Variants in ANKRD11 observed in about 807,000 individuals in gnomAD.
The protein encoded by ANKRD11 is ankyrin repeat domain 11.
Under a neutral mutation model 195.7 loss-of-function variants are expected in ANKRD11, and 17 were observed. That is an observed-to-expected ratio of 0.09 (90% confidence interval 0.06 to 0.13). The LOEUF (loss-of-function observed/expected upper bound fraction) is 0.13. Among genes scored for constraint, ANKRD11 ranks in the 10% least tolerant of loss-of-function variants. The pLI, the probability that ANKRD11 is intolerant of heterozygous loss-of-function variation, is 1.00. For missense variants in ANKRD11, 3,735 were observed against 3,566.1 expected (o/e 1.05, Z -1.21); for synonymous variants, 1,953 against 1,528.1 (o/e 1.28, Z -6.49).
intron 1 of ANKRD11, among the ~76,000 whole-genome samples, chr16:89,474,428 G>A (rs1198025735): frequency 1.3e-5 from 2 of 151,390 alleles, no homozygotes; most frequent in African/African-American, 2.4e-5. Flanking sequence ...ACCAGCCTGG[G>A]CAACATGGTG....
chr16:89,442,605 T>C (rs1031813615), intron 1 of ANKRD11, among the ~76,000 whole-genome samples: 3 of 152,158 alleles, frequency 2.0e-5, no homozygotes, highest in African/African-American at 7.2e-5. Flanking sequence ...GTTTTACGCA[T>C]CAAAGACTCA....
chr16:89,362,897 G>A (rs563927037), intron 2 of ANKRD11, among the ~76,000 whole-genome samples: 22 of 152,074 alleles, frequency 1.4e-4, no homozygotes, highest in Admixed American at 5.9e-4. Flanking sequence ...CTAGCCAATC[G>A]GGACAAATAC....
At position 89,306,962 on chromosome 16, in the gene ANKRD11, T is replaced by C. The variant is rs146953871; in HGVS notation, c.88-1618A>G. On this transcript the variant is annotated intron_variant, in intron 3 of 12. Coordinates refer to ENST00000301030, the MANE Select transcript of ANKRD11 (RefSeq NM_013275.6). ...GAGACGGTGCGACACACACAGCGCT[T>C]GGGACGTGGGGAGGGGGACGGTGCG... 1.8e-3 allele frequency among the ~76,000 whole-genome samples: 265 copies of C among 146,688 alleles called. 4 individuals are homozygous for C. The East Asian group carries it at 0.034, about 19-fold the overall frequency.
intron 1 of ANKRD11, among the ~76,000 whole-genome samples, chr16:89,426,811 G>A (rs892320904): frequency 2.0e-5 from 3 of 152,318 alleles, no homozygotes; most frequent in East Asian, 3.9e-4. Context: ...AGAAAAGACG[G>A]AGAAATCCGG....
chr16:89,464,197 C>G (rs1189042583), intron 1 of ANKRD11, among the ~76,000 whole-genome samples: 3 of 147,602 alleles, frequency 2.0e-5, no homozygotes, highest in Non-Finnish European at 3.0e-5. Context: ...GAAGATCGCA[C>G]CACTGCACTC....
intron 1 of ANKRD11, among the ~76,000 whole-genome samples, chr16:89,427,110 A>T (rs1411995092): frequency 1.3e-5 from 2 of 150,702 alleles, no homozygotes; most frequent in Non-Finnish European, 2.9e-5. Context: ...CAGCTGTATC[A>T]TCATCATACA....
At chr16:89,325,154 T>C (rs897635267) in intron 2 of ANKRD11, 1 of 152,778 alleles carries the variant, frequency 6.5e-6, no homozygotes, top group Admixed American at 6.5e-5. Context: ...AAGTGCTTCA[T>C]AGCAGTGGGG....
At chr16:89,384,297 G>C (rs1030680545) in intron 2 of ANKRD11, among the ~76,000 whole-genome samples, 3 of 152,206 alleles carry the variant, frequency 2.0e-5, no homozygotes, top group Non-Finnish European at 4.4e-5. Flanking sequence ...TTGGGAGACC[G>C]AGTTGGGTGG....
chr16:89,384,655 A>C (rs1176553640), intron 2 of ANKRD11, among the ~76,000 whole-genome samples: 3 of 152,136 alleles, frequency 2.0e-5, no homozygotes, highest in Admixed American at 6.6e-5. Flanking sequence ...TGACGGCTTC[A>C]AAGGAGCTGC....
chr16:89,431,904 T>C (rs2042994587), intron 1 of ANKRD11, among the ~76,000 whole-genome samples: 1 of 152,056 alleles, frequency 6.6e-6, no homozygotes, highest in Non-Finnish European at 1.5e-5. Context: ...GGCACCACTG[T>C]CTAACCCTCC....
rs55664494 is a variant in ANKRD11 at position 89,426,529 on chromosome 16, T to TCACACACACACACACA, written c.-144-8177_-144-8162dup. Among the ~76,000 whole-genome samples, 303 of 142,334 alleles carry TCACACACACACACACA rather than the reference T, an allele frequency of 2.1e-3. 1 individual carries two copies. In the East Asian group the frequency reaches 0.028, roughly 13 times the overall value. The allele number at this position is 142,334 out of a possible 152,430, so 93.4% of individuals were successfully genotyped here. A position where few individuals can be genotyped will look rare whatever the true frequency, so the allele number is the denominator to read the frequency against. ...AGAGGCTCTGATGGTCACTTAAACA[T>TCACACACACACACACA]CACACACACACACACACACACACAC... On this transcript the variant is annotated intron_variant, in intron 1 of 12. Transcript: ENST00000301030.
At chr16:89,369,389 C>A (rs1319197229) in intron 2 of ANKRD11, among the ~76,000 whole-genome samples, 1 of 152,228 alleles carries the variant, frequency 6.6e-6, no homozygotes, top group South Asian at 2.1e-4. Context: ...CATGACCCTG[C>A]CACAGGGAGG....
intron 2 of ANKRD11, among the ~76,000 whole-genome samples, chr16:89,413,517 T>C (rs1034395672): frequency 1.3e-5 from 2 of 151,862 alleles, no homozygotes; most frequent in African/African-American, 2.4e-5. Flanking sequence ...CCCAGCTACT[T>C]GGGAGGCTGA....
At chr16:89,302,042 G>C (rs1224891246) in intron 4 of ANKRD11, among the ~76,000 whole-genome samples, 1 of 152,210 alleles carries the variant, frequency 6.6e-6, no homozygotes, top group Non-Finnish European at 1.5e-5. Flanking sequence ...CTGGGGACCA[G>C]AGAAGAGTCT....
intron 3 of ANKRD11, among the ~76,000 whole-genome samples, chr16:89,315,224 G>A (rs1434879661): frequency 6.6e-6 from 1 of 152,174 alleles, no homozygotes; most frequent in African/African-American, 2.4e-5. Flanking sequence ...TGGGGGCGAG[G>A]CCTGAGCTGT....
At chr16:89,472,434 A>G (rs1227696310) in intron 1 of ANKRD11, among the ~76,000 whole-genome samples, 1 of 152,212 alleles carries the variant, frequency 6.6e-6, no homozygotes, top group African/African-American at 2.4e-5. Flanking sequence ...AGGAATGAAA[A>G]GATCCAAAGC....
At chr16:89,436,305 C>T (rs918090244) in intron 1 of ANKRD11, among the ~76,000 whole-genome samples, 6 of 151,716 alleles carry the variant, frequency 4.0e-5, no homozygotes, top group Admixed American at 1.3e-4. Flanking sequence ...GTCCCAGCTA[C>T]GTGGGAGGCT....
At chr16:89,340,941 G>C (rs1392466997) in intron 2 of ANKRD11, among the ~76,000 whole-genome samples, 1 of 152,172 alleles carries the variant, frequency 6.6e-6, no homozygotes, top group Non-Finnish European at 1.5e-5. Context: ...TGATGTGGGA[G>C]TGAACATCAG....
At chr16:89,343,957 A>G (rs1309285611) in intron 2 of ANKRD11, 2 of 152,168 alleles carry the variant, frequency 1.3e-5, no homozygotes, top group African/African-American at 2.4e-5. Context: ...ACCCACCCAC[A>G]CTCACGGCCA....
Sources: gnomAD v4.1 joint callset for allele counts (sites outside exome capture counted in the v4.1 genomes callset) on GRCh38, gnomAD v4.1.1 for gene constraint, MANE v1.5 for transcripts, NCBI Gene and HGNC (gene_info 2026-07-23, HGNC 2026-07-21) for gene names.